Variants in C4orf50 observed in about 807,000 individuals in gnomAD.
C4orf50 encodes uncharacterized protein C4orf50.
Under a neutral mutation model 77.2 loss-of-function variants are expected in C4orf50, and 80 were observed. The ratio of observed to expected loss-of-function variants is 1.04; its 90% CI spans 0.87 to 1.25. The LOEUF (loss-of-function observed/expected upper bound fraction) is 1.25, where lower values mean the gene tolerates loss of function less well. Ranked by LOEUF, C4orf50 falls within the 50% of genes most tolerant of loss-of-function variation. The pLI is 0.00. For synonymous variants in C4orf50, 532 were observed against 465.3 expected, an observed-to-expected ratio of 1.14 and a Z score of -1.84; for missense variants, 1,257 against 1,152.9, an observed-to-expected ratio of 1.09 and a Z score of -1.31.
At chr4:5,906,084 G>C (rs1254238032) in intron 7 of C4orf50, among the ~76,000 whole-genome samples, 2 of 152,136 alleles carry the variant, frequency 1.3e-5, no homozygotes, top group African/African-American at 4.8e-5. Context: ...CAGAGGAGGA[G>C]CCTTCAGCCA....
intron 7 of C4orf50, chr4:5,923,204 A>G (rs979724707): frequency 1.3e-5 from 2 of 154,310 alleles, no homozygotes; most frequent in Non-Finnish European, 2.9e-5. Flanking sequence ...CAGATGAGAA[A>G]CTGATATTCA....
chr4:6,004,202 G>A (rs1243985833), intron 25 of C4orf50, among the ~76,000 whole-genome samples: 5 of 107,062 alleles, frequency 4.7e-5, no homozygotes, highest in Admixed American at 1.8e-4. Flanking sequence ...TGATGGTGAT[G>A]GTGATGATGG....
intron 7 of C4orf50, among the ~76,000 whole-genome samples, chr4:5,943,912 T>C (rs564926192): frequency 4.5e-4 from 68 of 152,300 alleles, no homozygotes; most frequent in African/African-American, 1.5e-3. Context: ...GATACAAAGA[T>C]GGATGCTGAC....
rs548628969 is a variant in C4orf50, at chr4:5,980,045, T to C, written c.3864+129A>G. ...TTTTTTCCTGGTACTGCCTTATACT[T>C]TAAAAATCCAGTACCTGCTCCCAAC... On this transcript the variant is annotated intron_variant, in intron 29 of 33. Transcript: ENST00000531445. The C allele has an allele frequency of 4.2e-4, 272 of 652,398 alleles. 7 individuals are homozygous for C. In the South Asian group the frequency reaches 7.4e-3, roughly 18 times the overall value. 40.4% of individuals were successfully genotyped at this position (652,398 alleles called of 1,614,324 possible).
rs1722640435 is a variant in C4orf50, at chr4:6,015,268, G to C, written c.287+2877C>G. Among the ~76,000 whole-genome samples, 1 of 152,118 alleles carries C rather than the reference G, an allele frequency of 6.6e-6. No individual in the cohort carries two copies. The highest frequency in any genetic ancestry group is 2.1e-4 in the South Asian group (1 of 4,826). The stretch of plus-strand genomic sequence containing the variant: ...TAAGTTGAAAGAAAGTCATGAGCGT[G>C]GGCCCAGATCCAATCCGACTGGGGT... On this transcript the variant is annotated intron_variant, in intron 23 of 33. Coordinates refer to ENST00000531445, the Ensembl canonical transcript of C4orf50. This position sits in a 1 kb window ranked among gnomAD's most constrained non-coding sequence, Gnocchi z 4.4.
At chr4:5,935,870 A>G (rs1307925916) in intron 7 of C4orf50, among the ~76,000 whole-genome samples, 1 of 151,962 alleles carries the variant, frequency 6.6e-6, no homozygotes, top group Non-Finnish European at 1.5e-5. Context: ...ATGAAGACAT[A>G]AGATGTATTT....
At chr4:5,965,062 C>T (rs768253448) in exon 33 of C4orf50, 2 of 1,613,716 alleles carry the variant, frequency 1.2e-6, no homozygotes, top group East Asian at 4.5e-5. Context: ...GCTGGCCACT[C>T]CGGCTCGGGA....
At position 5,919,809 on chromosome 4, in the gene C4orf50, G is replaced by C. The variant is rs927348378; in HGVS notation, c.*2475-21621C>G. Among the ~76,000 whole-genome samples, 6 of 152,152 alleles carry C rather than the reference G, an allele frequency of 3.9e-5. No homozygotes were observed. Among genetic ancestry groups the C allele is most frequent in the Non-Finnish European group, 8.8e-5 (6 of 68,040 alleles). On this transcript the variant is annotated intron_variant, in intron 7 of 7. Coordinates refer to the C4orf50 transcript ENST00000324058. This position sits in a 1 kb window ranked among gnomAD's most constrained non-coding sequence, Gnocchi z 6.5. The stretch of plus-strand genomic sequence containing the variant: ...TCCCACAAAGCCCATGGGAGAAGAC[G>C]CTTCACCAGAATCAACTCTGAAATA...
downstream of C4orf50, chr4:5,957,107 G>A (rs1236067835): frequency 6.6e-6 from 1 of 152,274 alleles, no homozygotes; most frequent in Non-Finnish European, 1.5e-5. Flanking sequence ...GAGAATAAGT[G>A]GCTCTGCCTT....
In C4orf50 at chr4:5,899,756, G is replaced by A. The variant is rs189422732; in HGVS notation, c.*2475-1568C>T. 4.3e-3 allele frequency: 651 copies of A among 152,310 alleles called. 6 individuals are homozygous for A. Among genetic ancestry groups the A allele is most frequent in the Non-Finnish European group, 5.6e-3 (383 of 68,044 alleles). 9.4% of individuals were successfully genotyped at this position (152,310 alleles called of 1,614,324 possible). A position where few individuals can be genotyped will look rare whatever the true frequency, so the allele number is the denominator to read the frequency against. On this transcript the variant is annotated intron_variant, in intron 7 of 7. Coordinates refer to the C4orf50 transcript ENST00000324058. ...CCCCCAGCTGCCCATTAGAATCACTGGGGAGCTTTTCAAATAGATCTCTGC... is the reference window on the plus strand; with the variant it reads ...CCCCCAGCTGCCCATTAGAATCACTAGGGAGCTTTTCAAATAGATCTCTGC...
downstream of C4orf50, among the ~76,000 whole-genome samples, chr4:5,953,693 A>C: frequency 6.6e-6 from 1 of 152,120 alleles, no homozygotes; most frequent in East Asian, 1.9e-4. Context: ...CTGGCATTGT[A>C]CAAGCTGGAG....
chr4:5,967,601 G>A lies in C4orf50; in HGVS notation c.4105-139C>T, dbSNP rs922127371. The A allele has an allele frequency of 7.0e-6, 5 of 711,966 alleles. No homozygotes were observed. The African/African-American group carries it at 8.6e-5, about 12-fold the overall frequency. 44.1% of individuals were successfully genotyped at this position (711,966 alleles called of 1,614,324 possible). ...TTTCTGTGTAGGACCAACCCTGCCT[G>A]TGTGCATGAAGACCTCCCTCCTCTT... On this transcript the variant is annotated intron_variant, in intron 31 of 33. Transcript: ENST00000531445.
At chr4:5,961,251 G>T (rs1719256679) in intron 33 of C4orf50, among the ~76,000 whole-genome samples, 1 of 152,186 alleles carries the variant, frequency 6.6e-6, no homozygotes. Flanking sequence ...GGAGGCAGAG[G>T]TTGCAGTGAG....
downstream of C4orf50, among the ~76,000 whole-genome samples, chr4:5,956,056 C>T (rs1046281738): frequency 2.0e-5 from 3 of 152,206 alleles, no homozygotes; most frequent in East Asian, 1.9e-4. Context: ...TACACAGTCA[C>T]GCATATAACC....
chr4:5,993,834 A>T (rs910823353), intron 26 of C4orf50, among the ~76,000 whole-genome samples: 3 of 119,496 alleles, frequency 2.5e-5, no homozygotes, highest in South Asian at 5.0e-4. Flanking sequence ...TAAAATAAAA[A>T]AATAAAAATA....
intron 7 of C4orf50, among the ~76,000 whole-genome samples, chr4:5,928,826 T>A (rs1316290343): frequency 6.6e-6 from 1 of 152,236 alleles, no homozygotes; most frequent in African/African-American, 2.4e-5. Flanking sequence ...GCCTTAGAGA[T>A]ATTTGGTGAA....
intron 7 of C4orf50, among the ~76,000 whole-genome samples, chr4:5,931,989 G>A (rs958995976): frequency 3.9e-5 from 6 of 152,104 alleles, no homozygotes; most frequent in Non-Finnish European, 8.8e-5. Flanking sequence ...AATGTCACCA[G>A]CTCAGTATTT....
At chr4:6,014,066 G>T (rs989716828) in intron 23 of C4orf50, among the ~76,000 whole-genome samples, 5 of 151,256 alleles carry the variant, frequency 3.3e-5, no homozygotes, top group Non-Finnish European at 7.4e-5. Flanking sequence ...GCAATGGCGT[G>T]ATCTCGGCTC....
intron 7 of C4orf50, among the ~76,000 whole-genome samples, chr4:5,920,992 C>T (rs192737139): frequency 6.6e-6 from 1 of 152,322 alleles, no homozygotes; most frequent in East Asian, 1.9e-4. Flanking sequence ...CAGTCACCCT[C>T]ATGCTGAAGA....
Sources: gnomAD v4.1 joint callset for allele counts (sites outside exome capture counted in the v4.1 genomes callset) on GRCh38, gnomAD v4.1.1 for gene constraint, Gnocchi (gnomAD v3.1) non-coding constraint, MANE v1.5 for transcripts, NCBI Gene and HGNC (gene_info 2026-07-23, HGNC 2026-07-21) for gene names.